The following RBFOX3 variants were observed in gnomAD, a reference collection of about 807,000 sequenced individuals.
RBFOX3 encodes RNA binding fox-1 homolog 3.
A neutral mutation model predicts 48.7 loss-of-function variants in RBFOX3; 17 were observed. The ratio of observed to expected loss-of-function variants is 0.35; its 90% CI spans 0.24 to 0.52. RBFOX3 has a LOEUF of 0.52. Ranked by LOEUF, RBFOX3 falls within the 20% of genes least tolerant of loss-of-function variation. RBFOX3 has a pLI of 0.94. For missense variants in RBFOX3, 382 were observed against 497.5 expected (o/e 0.77, Z 2.21); for synonymous variants, 212 against 209.5 (o/e 1.01, Z -0.10).
intron 4 of RBFOX3, among the ~76,000 whole-genome samples, chr17:79,215,895 G>A (rs1446375460): frequency 6.6e-6 from 1 of 152,270 alleles, no homozygotes; most frequent in Non-Finnish European, 1.5e-5. Context: ...GGCGGCTGTG[G>A]ATGCTGGTGC....
At chr17:79,257,375 C>T (rs77370516) in intron 3 of RBFOX3, among the ~76,000 whole-genome samples, 2 of 152,192 alleles carry the variant, frequency 1.3e-5, no homozygotes, top group African/African-American at 4.8e-5. Flanking sequence ...ATAGCTTCCC[C>T]AGAATACAAA....
chr17:79,159,924 G>T (rs1227189162), intron 4 of RBFOX3, among the ~76,000 whole-genome samples: 1 of 152,230 alleles, frequency 6.6e-6, no homozygotes, highest in East Asian at 1.9e-4. Context: ...TCCGCCGAGT[G>T]TTCCAGCGTC....
chr17:79,435,180 T>C (rs2069176387), intron 2 of RBFOX3, among the ~76,000 whole-genome samples: 1 of 152,170 alleles, frequency 6.6e-6, no homozygotes, highest in Non-Finnish European at 1.5e-5. Flanking sequence ...CAGTGAGTTG[T>C]GCCCTCTGCC....
At chr17:79,156,759 G>A (rs755277970) in intron 4 of RBFOX3, among the ~76,000 whole-genome samples, 5 of 152,180 alleles carry the variant, frequency 3.3e-5, no homozygotes, top group Non-Finnish European at 7.4e-5. Context: ...GGCCTCGTAC[G>A]GACTGGGCTG....
At chr17:79,531,148 T>G (rs1447755701) in intron 1 of RBFOX3, among the ~76,000 whole-genome samples, 1 of 152,112 alleles carries the variant, frequency 6.6e-6, no homozygotes, top group Non-Finnish European at 1.5e-5. Context: ...TCCCAGAAGG[T>G]GCTACACGGA....
chr17:79,280,262 C>T (rs1389973937), intron 3 of RBFOX3, among the ~76,000 whole-genome samples: 1 of 151,610 alleles, frequency 6.6e-6, no homozygotes, highest in Non-Finnish European at 1.5e-5. Context: ...TGCACACACC[C>T]TCCACACACA....
At chr17:79,125,732 C>T (rs1023664066) in intron 4 of RBFOX3, among the ~76,000 whole-genome samples, 25 of 152,336 alleles carry the variant, frequency 1.6e-4, no homozygotes, top group African/African-American at 5.0e-4. Flanking sequence ...GGAAGGGCGC[C>T]GCGTGGCCCT....
chr17:79,194,685 C>T (rs967842644), intron 4 of RBFOX3, among the ~76,000 whole-genome samples: 9 of 151,356 alleles, frequency 5.9e-5, no homozygotes, highest in East Asian at 2.0e-4. Flanking sequence ...GCAGGGGCCA[C>T]GGGCCACATG....
At chr17:79,275,988 T>C (rs899628423) in intron 3 of RBFOX3, among the ~76,000 whole-genome samples, 1 of 152,220 alleles carries the variant, frequency 6.6e-6, no homozygotes, top group Non-Finnish European at 1.5e-5. Context: ...CATCAAGTGA[T>C]GAAATGATCC....
chr17:79,155,303 C>CA (rs1415002686), intron 4 of RBFOX3, among the ~76,000 whole-genome samples: 2 of 152,198 alleles, frequency 1.3e-5, no homozygotes, highest in Admixed American at 6.5e-5. Flanking sequence ...AGCAATCACT[C>CA]AGACTCCTCA....
intron 4 of RBFOX3, among the ~76,000 whole-genome samples, chr17:79,196,185 C>G (rs1019520081): frequency 6.6e-6 from 1 of 152,178 alleles, no homozygotes; most frequent in East Asian, 1.9e-4. Context: ...ACTGGAGAAA[C>G]AGCAGCAGAG....
At position 79,503,992 on chromosome 17, in the gene RBFOX3, CGGG is replaced by C. The variant is rs2082720837; in HGVS notation, c.-319-21397_-319-21395del. On this transcript the variant is annotated intron_variant, in intron 1 of 14. Transcript: ENST00000693108. Reference sequence around the variant, plus strand: ...TCAAGGAAATGGGAAGGTGGGTGGGCGGGGTGGCAGGGTGCTCCAGGTGGCAGG... The same window carrying C: ...TCAAGGAAATGGGAAGGTGGGTGGGCGTGGCAGGGTGCTCCAGGTGGCAGG... Among the ~76,000 whole-genome samples, 4 of 151,426 alleles carry C rather than the reference CGGG, an allele frequency of 2.6e-5. No homozygotes were observed. The South Asian group carries it at 8.4e-4, about 32-fold the overall frequency.
intron 2 of RBFOX3, among the ~76,000 whole-genome samples, chr17:79,329,218 A>G (rs1254990567): frequency 6.6e-6 from 1 of 152,104 alleles, no homozygotes; most frequent in Non-Finnish European, 1.5e-5. Context: ...GGGATCCCTA[A>G]CATTTCCAAC....
chr17:79,315,813 C>T (rs558784079), intron 2 of RBFOX3, among the ~76,000 whole-genome samples: 4 of 152,250 alleles, frequency 2.6e-5, no homozygotes, highest in South Asian at 2.1e-4. Flanking sequence ...TTAATGGAGA[C>T]GCTTAAATGG....
intron 1 of RBFOX3, among the ~76,000 whole-genome samples, chr17:79,547,970 C>T (rs2090685473): frequency 6.6e-6 from 1 of 152,196 alleles, no homozygotes; most frequent in Non-Finnish European, 1.5e-5. Context: ...CATCCCCTGA[C>T]CTCCTGGGAG....
At chr17:79,228,798 G>T (rs749695596) in intron 4 of RBFOX3, among the ~76,000 whole-genome samples, 1 of 152,118 alleles carries the variant, frequency 6.6e-6, no homozygotes, top group Non-Finnish European at 1.5e-5. Context: ...TAACTGATGC[G>T]CTAGTCCAAA....
intron 4 of RBFOX3, among the ~76,000 whole-genome samples, chr17:79,150,987 C>T (rs1392377750): frequency 2.0e-5 from 3 of 152,188 alleles, no homozygotes; most frequent in South Asian, 2.1e-4. Flanking sequence ...GTGGCCGCCC[C>T]GCTGCTGTGC....
intron 4 of RBFOX3, among the ~76,000 whole-genome samples, chr17:79,230,940 C>T (rs958162908): frequency 1.3e-4 from 20 of 152,080 alleles, no homozygotes; most frequent in African/African-American, 3.9e-4. Context: ...TGCCTGCCTC[C>T]GAGAACAATA....
intron 2 of RBFOX3, among the ~76,000 whole-genome samples, chr17:79,409,769 C>T (rs1203996035): frequency 6.6e-6 from 1 of 152,208 alleles, no homozygotes; most frequent in Non-Finnish European, 1.5e-5. Context: ...GAGACCAGTG[C>T]CATGGGGTCA....
Sources: gnomAD v4.1 joint callset for allele counts (sites outside exome capture counted in the v4.1 genomes callset) on GRCh38, gnomAD v4.1.1 for gene constraint, MANE v1.5 for transcripts, NCBI Gene and HGNC (gene_info 2026-07-23, HGNC 2026-07-21) for gene names.